KCNH8: variants seen among roughly 807,000 people sequenced by gnomAD.
The protein encoded by KCNH8 is potassium voltage-gated channel subfamily H member 8.
A neutral mutation model predicts 103.6 loss-of-function variants in KCNH8; 70 were observed. The ratio of observed to expected loss-of-function variants is 0.68; its 90% confidence interval spans 0.56 to 0.82. The LOEUF is 0.82. KCNH8 is among the 40% of genes least tolerant of loss of function. The pLI, the probability that KCNH8 is intolerant of heterozygous loss-of-function variation, is 0.00. For missense variants in KCNH8, 1,217 were observed against 1,329.9 expected (o/e 0.92, Z 1.32); for synonymous variants, 498 against 489.4 (o/e 1.02, Z -0.23).
At chr3:19,306,198 T>C (rs1420237887) in intron 3 of KCNH8, among the ~76,000 whole-genome samples, 1 of 152,074 alleles carries the variant, frequency 6.6e-6, no homozygotes, top group African/African-American at 2.4e-5. Context: ...AATTCACCGA[T>C]TAGGATGGCT....
At chr3:19,444,911 T>C (rs967700670) in intron 8 of KCNH8, among the ~76,000 whole-genome samples, 4 of 151,992 alleles carry the variant, frequency 2.6e-5, no homozygotes, top group Non-Finnish European at 4.4e-5. Flanking sequence ...TGTCAGTCGA[T>C]ACAACTTTGT....
chr3:19,458,879 T>C (rs2067576518), intron 11 of KCNH8, among the ~76,000 whole-genome samples: 1 of 152,072 alleles, frequency 6.6e-6, no homozygotes, highest in South Asian at 2.1e-4. Context: ...CATATTTCAC[T>C]AAGCATAATG....
chr3:19,255,866 G>A lies in KCNH8; in HGVS notation c.310+1979G>A, dbSNP rs543963739. Among the ~76,000 whole-genome samples, 5 of 152,184 alleles carry A rather than the reference G, an allele frequency of 3.3e-5. No homozygotes were observed. In the South Asian group the frequency reaches 1.0e-3, roughly 32 times the overall value. Reference sequence around the variant, plus strand: ...AAACCAGTTTCAACCATTTGACAAGGACAATAACATAATGAAATGCAGAGC... The same window carrying A: ...AAACCAGTTTCAACCATTTGACAAGAACAATAACATAATGAAATGCAGAGC... On this transcript the variant is annotated intron_variant, in intron 2 of 15. Coordinates refer to ENST00000328405, the MANE Select transcript of KCNH8 (RefSeq NM_144633.3).
intron 1 of KCNH8, among the ~76,000 whole-genome samples, chr3:19,230,419 A>G (rs2063980836): frequency 6.6e-6 from 1 of 152,210 alleles, no homozygotes; most frequent in African/African-American, 2.4e-5. Flanking sequence ...TAGAAGTTTA[A>G]TAAAATCTAA....
chr3:19,330,885 CTTTCAAAGCTAAA>C (rs2065496155), intron 3 of KCNH8, among the ~76,000 whole-genome samples: 1 of 152,180 alleles, frequency 6.6e-6, no homozygotes, highest in South Asian at 2.1e-4. Flanking sequence ...TTTGAACTAC[CTTTCAAAGCTAAA>C]TTCCATCAAA....
intron 1 of KCNH8, among the ~76,000 whole-genome samples, chr3:19,224,390 A>C (rs991986595): frequency 1.6e-4 from 24 of 152,110 alleles, no homozygotes; most frequent in African/African-American, 5.8e-4. Flanking sequence ...TGTTTACCTA[A>C]ACCATACTTG....
chr3:19,205,276 G>T (rs926628194), intron 1 of KCNH8, among the ~76,000 whole-genome samples: 3 of 152,006 alleles, frequency 2.0e-5, no homozygotes, highest in African/African-American at 2.4e-5. Flanking sequence ...CTAATGTAGA[G>T]ATTTGATGCC....
chr3:19,372,184 T>A (rs963592857), intron 5 of KCNH8, among the ~76,000 whole-genome samples: 1 of 152,172 alleles, frequency 6.6e-6, no homozygotes. Context: ...TGGCACTGAA[T>A]CTATAAATTA....
At chr3:19,370,772 A>G (rs1235318886) in intron 5 of KCNH8, among the ~76,000 whole-genome samples, 1 of 135,472 alleles carries the variant, frequency 7.4e-6, no homozygotes, top group South Asian at 2.4e-4. Context: ...CCCCCACCCA[A>G]CAACAGTCCC....
chr3:19,159,556 G>A (rs2063214380), intron 1 of KCNH8, among the ~76,000 whole-genome samples: 1 of 151,900 alleles, frequency 6.6e-6, no homozygotes, highest in African/African-American at 2.4e-5. Flanking sequence ...ATGAAAACAG[G>A]GCCAAGATTG....
intron 11 of KCNH8, among the ~76,000 whole-genome samples, chr3:19,483,717 C>A (rs2068138819): frequency 6.6e-6 from 1 of 152,166 alleles, no homozygotes; most frequent in Admixed American, 6.5e-5. Flanking sequence ...CGTTTGTAAA[C>A]TTTTCCTGAA....
intron 11 of KCNH8, among the ~76,000 whole-genome samples, chr3:19,488,672 G>T (rs1360920370): frequency 2.0e-5 from 3 of 151,998 alleles, no homozygotes; most frequent in Admixed American, 1.3e-4. Flanking sequence ...TTTTATCAAT[G>T]CCTTAGGATA....
intron 3 of KCNH8, among the ~76,000 whole-genome samples, chr3:19,336,767 G>T (rs911516796): frequency 1.3e-5 from 2 of 151,786 alleles, no homozygotes; most frequent in South Asian, 2.1e-4. Context: ...CTTTTCCTTT[G>T]CATCTTGAAC....
chr3:19,264,767 C>T (rs541731476), intron 2 of KCNH8, among the ~76,000 whole-genome samples: 2 of 152,200 alleles, frequency 1.3e-5, no homozygotes, highest in South Asian at 2.1e-4. Context: ...CTGCTCTTTG[C>T]CTGTGTTGTT....
intron 3 of KCNH8, among the ~76,000 whole-genome samples, chr3:19,323,690 G>A (rs2065381771): frequency 2.0e-5 from 3 of 152,236 alleles, no homozygotes; most frequent in Admixed American, 6.5e-5. Flanking sequence ...TGTCCCACAG[G>A]ATGCTCCCTT....
intron 1 of KCNH8, among the ~76,000 whole-genome samples, chr3:19,239,803 C>T (rs998718155): frequency 6.6e-6 from 1 of 151,944 alleles, no homozygotes; most frequent in Non-Finnish European, 1.5e-5. Flanking sequence ...TTTATTTAAC[C>T]TTAAAGATAT....
chr3:19,170,175 G>GA (rs1252451089), intron 1 of KCNH8, among the ~76,000 whole-genome samples: 1 of 151,902 alleles, frequency 6.6e-6, no homozygotes, highest in African/African-American at 2.4e-5. Flanking sequence ...GAATATTGAG[G>GA]AAAAAAACAT....
At chr3:19,249,127 G>A (rs1454559732) in intron 1 of KCNH8, among the ~76,000 whole-genome samples, 1 of 152,216 alleles carries the variant, frequency 6.6e-6, no homozygotes, top group Non-Finnish European at 1.5e-5. Flanking sequence ...TTCTTAAAAG[G>A]TTAAATACCC....
Position 19,253,905 on chromosome 3 carries a change from C to T in KCNH8, c.310+18C>T, listed in dbSNP as rs74640554. On this transcript the variant is annotated intron_variant, in intron 2 of 15. Coordinates refer to ENST00000328405, the MANE Select transcript of KCNH8 (RefSeq NM_144633.3). ...GAAAAACGGTGAGTTGGCTTTCTTT[C>T]GTGCTCACTGGAGAGTAGTGAGAGG... 5.6e-4 allele frequency: 882 copies of T among 1,561,376 alleles called. 7 individuals are homozygous for T. In the African/African-American group the frequency reaches 0.011, roughly 19 times the overall value.
Sources: allele counts gnomAD v4.1 joint callset (sites outside exome capture counted in the v4.1 genomes callset), GRCh38; gene constraint gnomAD v4.1.1; transcripts MANE v1.5; gene names NCBI Gene and HGNC (gene_info 2026-07-23, HGNC 2026-07-21).